The following CILK1 variants were observed in gnomAD, a reference collection of about 807,000 sequenced individuals.
CILK1 encodes ciliogenesis associated kinase 1, also known as serine/threonine-protein kinase ICK.
In CILK1, 47 loss-of-function variants were observed where a neutral mutation model predicts 79.2. The ratio of observed to expected loss-of-function variants is 0.59; its 90% confidence interval spans 0.47 to 0.76. CILK1 has a LOEUF of 0.76. Among genes scored for constraint, CILK1 ranks in the 30% least tolerant of loss-of-function variants. CILK1 has a pLI of 0.00. For synonymous variants in CILK1, 266 were observed against 275.9 expected, an observed-to-expected ratio of 0.96 and a Z score of 0.36; for missense variants, 660 against 769.5, an observed-to-expected ratio of 0.86 and a Z score of 1.68.
intron 1 of CILK1, among the ~76,000 whole-genome samples, chr6:53,059,555 T>C (rs1581788588): frequency 6.6e-6 from 1 of 151,896 alleles, no homozygotes; most frequent in Non-Finnish European, 1.5e-5. Flanking sequence ...AGAAGGGAGG[T>C]AGTTTCTAGG....
intron 5 of CILK1, among the ~76,000 whole-genome samples, chr6:53,029,867 T>A (rs556395805): frequency 6.6e-6 from 1 of 152,318 alleles, no homozygotes; most frequent in African/African-American, 2.4e-5. Flanking sequence ...TTTCTACCTA[T>A]GCAAAATCAG....
At chr6:53,059,641 G>GTC (rs1768249233) in intron 1 of CILK1, among the ~76,000 whole-genome samples, 5 of 152,332 alleles carry the variant, frequency 3.3e-5, no homozygotes, top group African/African-American at 1.2e-4. Context: ...AGACCAGACT[G>GTC]CTTAGAGTGC....
intron 4 of CILK1, among the ~76,000 whole-genome samples, chr6:53,032,019 G>C (rs2127439164): frequency 1.3e-5 from 2 of 152,260 alleles, no homozygotes; most frequent in South Asian, 4.1e-4. Context: ...TTTTAGTAGA[G>C]ACAGGGTTTC....
At chr6:53,018,678 C>T (rs1464271138) in intron 6 of CILK1, among the ~76,000 whole-genome samples, 177 bp from the exon 7 acceptor site, 4 of 152,194 alleles carry the variant, frequency 2.6e-5, no homozygotes, top group African/African-American at 4.8e-5. Flanking sequence ...ACAAGTAGTG[C>T]TTCTCTAGTT....
At chr6:53,036,079 C>T (rs1223343524) in intron 3 of CILK1, among the ~76,000 whole-genome samples, 2 of 152,118 alleles carry the variant, frequency 1.3e-5, no homozygotes, top group East Asian at 1.9e-4. Context: ...ACTATCTTGC[C>T]GAGGCAGTCA....
chr6:53,023,160 C>T (rs1329236899), intron 5 of CILK1, among the ~76,000 whole-genome samples: 1 of 152,058 alleles, frequency 6.6e-6, no homozygotes, highest in Non-Finnish European at 1.5e-5. Context: ...GTCTCGATCC[C>T]CTGACCTCAT....
intron 1 of CILK1, among the ~76,000 whole-genome samples, chr6:53,044,702 G>T (rs1024755200): frequency 7.9e-5 from 12 of 152,286 alleles, no homozygotes; most frequent in African/African-American, 2.6e-4. Flanking sequence ...GATTGTATCT[G>T]GAGACAGACC....
chr6:53,041,649 G>C (rs1766718900), intron 1 of CILK1, among the ~76,000 whole-genome samples: 1 of 152,214 alleles, frequency 6.6e-6, no homozygotes. Flanking sequence ...ACAAAAACTT[G>C]ATTCCCGGCT....
At chr6:53,011,623 C>T in intron 11 of CILK1, 146 bp downstream of exon 11, 1 of 864,250 alleles carries the variant, frequency 1.2e-6, no homozygotes, top group Non-Finnish European at 1.9e-6. Flanking sequence ...GCTTGGGCTT[C>T]AGCAAATATT....
chr6:53,041,940 T>C (rs9474372), intron 1 of CILK1, among the ~76,000 whole-genome samples: 3,669 of 152,236 alleles, frequency 0.024, 149 homozygotes, highest in African/African-American at 0.084. Context: ...AATGTATTTA[T>C]AGCTCACATC....
chr6:53,015,487 G>C (rs555473449), intron 8 of CILK1, among the ~76,000 whole-genome samples: 104 of 152,298 alleles, frequency 6.8e-4, no homozygotes, highest in African/African-American at 2.3e-3. Flanking sequence ...TGAGTGATTA[G>C]AGCAAATTGC....
chr6:53,008,351 A>T (rs1352822476), intron 12 of CILK1, among the ~76,000 whole-genome samples: 1 of 152,068 alleles, frequency 6.6e-6, no homozygotes, highest in Non-Finnish European at 1.5e-5. Context: ...TCAGGCTGGC[A>T]TGGGGGGAGG....
At position 53,012,123 on chromosome 6, in the gene CILK1, A is replaced by G. The variant is rs761054301; in HGVS notation, c.1257T>C (p.Ala419=). Residue 419 remains alanine (A), a synonymous_variant, in exon 10 of 14, where the codon GCT becomes GCC. Transcript: ENST00000676107. ...GACTGAAATCCAAGTCATCCAAGTCAGCCCAATCATCTGAATCCTTTGTTG... is the reference window on the plus strand; with the variant it reads ...GACTGAAATCCAAGTCATCCAAGTCGGCCCAATCATCTGAATCCTTTGTTG... ...SRSTKDSDDW[A]DLDDLDFSPS... is the part of the protein sequence containing the mutation. 2 of 1,614,186 alleles carry G rather than the reference A, an allele frequency of 1.2e-6. No homozygotes were observed. Among genetic ancestry groups the G allele is most frequent in the Non-Finnish European group, 1.7e-6 (2 of 1,180,026 alleles).
chr6:53,054,367 T>C (rs1043666305), intron 1 of CILK1, among the ~76,000 whole-genome samples: 5 of 152,230 alleles, frequency 3.3e-5, no homozygotes, highest in Admixed American at 1.3e-4. Context: ...GTCTTCTCAC[T>C]CCACTTGCAG....
At chr6:53,033,083 A>T (rs1766075505) in intron 3 of CILK1, among the ~76,000 whole-genome samples, 1 of 152,190 alleles carries the variant, frequency 6.6e-6, no homozygotes, top group Non-Finnish European at 1.5e-5. Flanking sequence ...AGACACTCTG[A>T]ATAGGAAATT....
In CILK1 at chr6:53,005,157, G is replaced by A. The variant is rs768662457; in HGVS notation, c.1891C>T (p.Arg631Trp). ...RTDWASKYAS[R>W]R ...ATCACCAAGGCAGACAGTCATCGCC[G>A]AGATGCGTACTTGGAAGCCCAGTCT... Residue 631 changes from arginine to tryptophan, a missense_variant, in exon 14 of 14, where the codon CGG becomes TGG. Physicochemically the swap from Arg to Trp is moderately radical, Grantham distance 101. Transcript: ENST00000676107. The A allele has an allele frequency of 1.9e-6, 3 of 1,614,028 alleles. No individual in the cohort carries two copies. In the African/African-American group the frequency reaches 4.0e-5, roughly 22 times the overall value.
intron 3 of CILK1, among the ~76,000 whole-genome samples, chr6:53,034,595 C>T (rs1766186310): frequency 6.6e-6 from 1 of 152,088 alleles, no homozygotes; most frequent in South Asian, 2.1e-4. Context: ...CAATGTTGTC[C>T]ACATCAGGGA....
intron 4 of CILK1, 103 bp downstream of exon 4, chr6:53,032,429 TA>T (rs1562026665): frequency 6.9e-6 from 4 of 579,570 alleles, no homozygotes; most frequent in Non-Finnish European, 9.8e-6. Context: ...AAATAAAAAA[TA>T]AAAAAAGAAA....
At chr6:53,032,864 A>G (rs146895181) in intron 3 of CILK1, among the ~76,000 whole-genome samples, 1 of 152,352 alleles carries the variant, frequency 6.6e-6, no homozygotes, top group East Asian at 1.9e-4. Flanking sequence ...TGAACTGAGT[A>G]GAAGGTATGT....
Sources: gnomAD v4.1 joint callset for allele counts (sites outside exome capture counted in the v4.1 genomes callset) on GRCh38, gnomAD v4.1.1 for gene constraint, MANE v1.5 for transcripts, NCBI Gene and HGNC (gene_info 2026-07-23, HGNC 2026-07-21) for gene names.